GRID2: variants seen among roughly 807,000 people sequenced by gnomAD.
GRID2 encodes glutamate ionotropic receptor delta type subunit 2, also known as glutamate receptor ionotropic, delta-2.
Under a neutral mutation model 114.8 loss-of-function variants are expected in GRID2, and 33 were observed. The ratio of observed to expected loss-of-function variants is 0.29; its 90% CI spans 0.22 to 0.38. GRID2 has a LOEUF of 0.38. GRID2 is among the 10% of genes least tolerant of loss of function. The probability of loss-of-function intolerance (pLI) is 1.00; values close to 1 mark genes in which losing one functional copy is unlikely to be tolerated. For missense variants in GRID2, 1,184 were observed against 1,257.7 expected, an observed-to-expected ratio of 0.94 and a Z score of 0.89; for synonymous variants, 505 against 449.9, an observed-to-expected ratio of 1.12 and a Z score of -1.55.
At chr4:92,895,467 T>C (rs888037289) in intron 2 of GRID2, among the ~76,000 whole-genome samples, 3 of 148,368 alleles carry the variant, frequency 2.0e-5, no homozygotes, top group African/African-American at 7.7e-5. Flanking sequence ...CTTATCAGAC[T>C]TCTCCTCATT....
At chr4:92,436,978 C>G (rs1449376031) in intron 1 of GRID2, among the ~76,000 whole-genome samples, 2 of 152,032 alleles carry the variant, frequency 1.3e-5, no homozygotes, top group Non-Finnish European at 2.9e-5. Flanking sequence ...TTTGATTTAG[C>G]TGTAGATTTG....
chr4:93,061,187 G>T (rs1727765615), intron 2 of GRID2, among the ~76,000 whole-genome samples: 3 of 115,906 alleles, frequency 2.6e-5, no homozygotes, highest in Non-Finnish European at 3.7e-5. Flanking sequence ...TATTCATCAG[G>T]TTTTTCTTGT....
chr4:93,624,952 T>C (rs921986542), intron 13 of GRID2, among the ~76,000 whole-genome samples: 4 of 152,156 alleles, frequency 2.6e-5, no homozygotes, highest in African/African-American at 9.7e-5. Flanking sequence ...GGTTGTGGAA[T>C]CGTTTTATTT....
At chr4:93,122,879 C>T (rs1472328025) in intron 4 of GRID2, among the ~76,000 whole-genome samples, 2 of 128,100 alleles carry the variant, frequency 1.6e-5, no homozygotes, top group African/African-American at 3.0e-5. Context: ...CTAGTCAATC[C>T]ACAGATGTGG....
chr4:92,704,745 C>CT (rs1560542574), intron 2 of GRID2, among the ~76,000 whole-genome samples: 1 of 111,146 alleles, frequency 9.0e-6, no homozygotes, highest in African/African-American at 3.1e-5. Context: ...CTCTCTCTCT[C>CT]CCTCCCTCTC....
intron 14 of GRID2, among the ~76,000 whole-genome samples, chr4:93,767,857 T>G (rs183004092): frequency 5.1e-4 from 78 of 152,356 alleles, no homozygotes; most frequent in Admixed American, 1.1e-3. Context: ...TAGGTTCACA[T>G]ACCCCAAGTC....
chr4:93,311,948 G>T (rs1033411683), intron 8 of GRID2, among the ~76,000 whole-genome samples: 7 of 152,160 alleles, frequency 4.6e-5, no homozygotes, highest in South Asian at 2.1e-4. Context: ...AATAATTTGG[G>T]ATGAGAAAGA....
intron 13 of GRID2, among the ~76,000 whole-genome samples, chr4:93,575,393 G>A (rs926722460): frequency 3.3e-5 from 5 of 152,092 alleles, no homozygotes; most frequent in African/African-American, 1.2e-4. Context: ...TAGTGGCAAG[G>A]ACTCTGTTCT....
At chr4:93,770,485 A>G (rs1481758595) in intron 15 of GRID2, among the ~76,000 whole-genome samples, 2 of 152,204 alleles carry the variant, frequency 1.3e-5, no homozygotes, top group Admixed American at 6.5e-5. Flanking sequence ...AAAGTAGTGT[A>G]AGGATTCCTT....
At chr4:93,562,738 T>C (rs1262837652) in intron 13 of GRID2, among the ~76,000 whole-genome samples, 6 of 152,048 alleles carry the variant, frequency 3.9e-5, no homozygotes, top group Admixed American at 3.3e-4. Flanking sequence ...CCTAGATTTC[T>C]TTTTTTCTCT....
intron 4 of GRID2, among the ~76,000 whole-genome samples, chr4:93,196,343 A>G (rs930122061): frequency 2.0e-5 from 3 of 152,202 alleles, no homozygotes; most frequent in Non-Finnish European, 2.9e-5. Context: ...CAAGTAGCTT[A>G]GGAAGACGGA....
At chr4:93,490,814 AG>A in intron 12 of GRID2, 37 bp downstream of exon 12, 1 of 1,460,220 alleles carries the variant, frequency 6.8e-7, no homozygotes, top group Non-Finnish European at 9.6e-7. Flanking sequence ...ACAAAATATG[AG>A]AAATGATAAG....
chr4:93,719,354 G>T (rs1323672433), intron 14 of GRID2, among the ~76,000 whole-genome samples: 3 of 151,772 alleles, frequency 2.0e-5, no homozygotes, highest in Admixed American at 6.6e-5. Flanking sequence ...CTAATCTTGG[G>T]TTAGAATAAA....
At chr4:93,040,527 T>C (rs1725411958) in intron 2 of GRID2, among the ~76,000 whole-genome samples, 1 of 152,172 alleles carries the variant, frequency 6.6e-6, no homozygotes, top group South Asian at 2.1e-4. Context: ...GTAAAGGGTA[T>C]GTGGTTATTA....
At chr4:93,665,750 A>G (rs1723895777) in intron 14 of GRID2, among the ~76,000 whole-genome samples, 1 of 152,116 alleles carries the variant, frequency 6.6e-6, no homozygotes, top group Non-Finnish European at 1.5e-5. Context: ...ATTTGCCATG[A>G]TGGTTACATT....
intron 1 of GRID2, among the ~76,000 whole-genome samples, chr4:92,357,006 C>T (rs750321400): frequency 6.6e-6 from 1 of 151,858 alleles, no homozygotes; most frequent in East Asian, 1.9e-4. Context: ...GAGCAACATG[C>T]ACGGATCCAC....
At chr4:93,733,962 A>T (rs562701291) in intron 14 of GRID2, among the ~76,000 whole-genome samples, 1 of 152,134 alleles carries the variant, frequency 6.6e-6, no homozygotes, top group South Asian at 2.1e-4. Context: ...CTGCTTTTTT[A>T]AAACTCTTCT....
intron 14 of GRID2, among the ~76,000 whole-genome samples, chr4:93,737,389 C>G (rs1731018268): frequency 1.3e-5 from 2 of 151,948 alleles, no homozygotes; most frequent in Non-Finnish European, 2.9e-5. Context: ...TTGACTTAAA[C>G]AAAATACAGA....
chr4:92,355,039 C>T (rs1042501892), intron 1 of GRID2, among the ~76,000 whole-genome samples: 1 of 152,044 alleles, frequency 6.6e-6, no homozygotes, highest in African/African-American at 2.4e-5. Flanking sequence ...ATTCAGATGT[C>T]ACTCACTCAT....
Sources: gnomAD v4.1 joint callset for allele counts (sites outside exome capture counted in the v4.1 genomes callset) on GRCh38, gnomAD v4.1.1 for gene constraint, MANE v1.5 for transcripts, NCBI Gene and HGNC (gene_info 2026-07-23, HGNC 2026-07-21) for gene names.